The following HDLBP variants were observed in gnomAD, a reference collection of about 807,000 sequenced individuals.
The protein encoded by HDLBP is vigilin.
HDLBP carries 30 observed loss-of-function variants against 137.3 expected under a neutral mutation model. That is an observed-to-expected ratio of 0.22 (90% CI 0.16 to 0.30). The LOEUF is 0.30. Ranked by LOEUF, HDLBP falls within the 10% of genes least tolerant of loss-of-function variation. The pLI is 1.00. For missense variants in HDLBP, 1,119 were observed against 1,667.3 expected (o/e 0.67, Z 5.73); for synonymous variants, 606 against 596.0 (o/e 1.02, Z -0.24).
intron 11 of HDLBP, 133 bp downstream of exon 11, chr2:241,252,824 A>G (rs530468239): frequency 2.4e-5 from 14 of 593,744 alleles, no homozygotes; most frequent in East Asian, 1.3e-4. Flanking sequence ...AGGAGGATGT[A>G]AAGTCTGTAA....
intron 5 of HDLBP, among the ~76,000 whole-genome samples, chr2:241,257,180 T>A (rs1574940192): frequency 6.6e-6 from 1 of 152,232 alleles, no homozygotes; most frequent in East Asian, 1.9e-4. Context: ...AATCAAGAAG[T>A]TAACAACATT....
intron 11 of HDLBP, 110 bp from the exon 12 acceptor site, chr2:241,250,090 C>G: frequency 9.1e-7 from 1 of 1,100,412 alleles, no homozygotes; most frequent in Admixed American, 2.6e-5. Context: ...TCTGTGATTC[C>G]CATCACCAAA....
chr2:241,279,469 G>C (rs1350073187), intron 1 of HDLBP, among the ~76,000 whole-genome samples: 2 of 152,196 alleles, frequency 1.3e-5, no homozygotes, highest in African/African-American at 4.8e-5. Flanking sequence ...ACGTGGAGGA[G>C]GGCTTGCTCT....
At chr2:241,256,871 C>A in intron 5 of HDLBP, 65 bp from the exon 6 acceptor site, 1 of 1,404,522 alleles carries the variant, frequency 7.1e-7, no homozygotes, top group Non-Finnish European at 1.0e-6. Flanking sequence ...CATATTTTTC[C>A]AAGACATTCT....
intron 1 of HDLBP, among the ~76,000 whole-genome samples, chr2:241,311,267 C>G (rs897549441): frequency 3.3e-5 from 5 of 152,188 alleles, no homozygotes; most frequent in African/African-American, 1.2e-4. Context: ...ACACTGGAAA[C>G]TTAGAGACCG....
chr2:241,272,391 G>A lies in HDLBP; in HGVS notation c.-102-3850C>T, dbSNP rs2074146213. Reference sequence around the variant, plus strand: ...CTCAGGTCGGCCGCCCCTCCGCGCCGTGCGGCCACGGCACCAGGGGTGCCC... The same window carrying A: ...CTCAGGTCGGCCGCCCCTCCGCGCCATGCGGCCACGGCACCAGGGGTGCCC... On this transcript the variant is annotated intron_variant, in intron 1 of 27. Coordinates refer to ENST00000310931, the MANE Select transcript of HDLBP (RefSeq NM_005336.6). The surrounding 1 kb of genome is among the most constrained non-coding windows in gnomAD (Gnocchi z 5.6). 1 of 984,322 alleles carries A rather than the reference G, an allele frequency of 1.0e-6. No individual in the cohort carries two copies. The highest frequency in any genetic ancestry group is 1.8e-5 in the African/African-American group (1 of 57,042). 61.0% of individuals were successfully genotyped at this position (984,322 alleles called of 1,614,324 possible). A position where few individuals can be genotyped will look rare whatever the true frequency, so the allele number is the denominator to read the frequency against.
rs1026384502 is a variant in HDLBP at position 241,240,378 on chromosome 2, T to C, written c.2170-256A>G. Among the ~76,000 whole-genome samples the C allele has an allele frequency of 6.6e-6, 1 of 152,204 alleles. No individual in the cohort carries two copies. The highest frequency in any genetic ancestry group is 2.4e-5 in the African/African-American group (1 of 41,456). ...TGAACACACAGGCTTAGAACCCTGGTCCTGCCACTTACAAGCACTGACCAA... is the reference window on the plus strand; with the variant it reads ...TGAACACACAGGCTTAGAACCCTGGCCCTGCCACTTACAAGCACTGACCAA... On this transcript the variant is annotated intron_variant, in intron 17 of 27. Coordinates refer to ENST00000310931, the MANE Select transcript of HDLBP (RefSeq NM_005336.6). The surrounding 1 kb of genome is among the most constrained non-coding windows in gnomAD (Gnocchi z 5.5).
intron 24 of HDLBP, chr2:241,231,384 AAAAAAAAAAAAAC>A (rs2069729276): frequency 1.2e-5 from 1 of 85,314 alleles, no homozygotes; most frequent in South Asian, 3.0e-4. Flanking sequence ...ACTCCATCTC[AAAAAAAAAAAAAC>A]AAAAAAAAAA....
At chr2:241,257,871 C>T (rs1042283990) in intron 5 of HDLBP, among the ~76,000 whole-genome samples, 1 of 152,072 alleles carries the variant, frequency 6.6e-6, no homozygotes, top group African/African-American at 2.4e-5. Context: ...TACGGAAAGA[C>T]CTGCTGGTCT....
Position 241,272,761 on chromosome 2 carries a change from T to G in HDLBP, c.-102-4220A>C. 3.4e-6 allele frequency: 1 copy of G among 293,970 alleles called. No individual in the cohort carries two copies. Among genetic ancestry groups the G allele is most frequent in the Non-Finnish European group, 4.7e-6 (1 of 213,090 alleles). The allele number at this position is 293,970 out of a possible 1,614,324, so 18.2% of individuals were successfully genotyped here. A position where few individuals can be genotyped will look rare whatever the true frequency, so the allele number is the denominator to read the frequency against. On this transcript the variant is annotated intron_variant, in intron 1 of 27. Coordinates refer to ENST00000310931, the MANE Select transcript of HDLBP (RefSeq NM_005336.6). The surrounding 1 kb of genome is among the most constrained non-coding windows in gnomAD (Gnocchi z 5.6). ...TCCCAGCCCCGTGTTGCGCGCTCAC[T>G]CGTGGGCCCCCGCCCGCTGGTCCTG...
At chr2:241,312,859 A>T (rs1279084616) in intron 1 of HDLBP, among the ~76,000 whole-genome samples, 2 of 152,236 alleles carry the variant, frequency 1.3e-5, no homozygotes, top group Admixed American at 1.3e-4. Context: ...GACCCGGCAC[A>T]ATCATCTCAA....
chr2:241,281,999 T>G (rs1462036116), intron 1 of HDLBP, among the ~76,000 whole-genome samples: 1 of 152,210 alleles, frequency 6.6e-6, no homozygotes, highest in Non-Finnish European at 1.5e-5. Context: ...AAAAAATATT[T>G]TATTACAAAT....
At chr2:241,253,341 C>A in intron 10 of HDLBP, 52 bp downstream of exon 10, 1 of 1,294,146 alleles carries the variant, frequency 7.7e-7, no homozygotes, top group Non-Finnish European at 1.1e-6. Context: ...CCATGCCCAA[C>A]TCAGAGCCTC....
intron 5 of HDLBP, among the ~76,000 whole-genome samples, chr2:241,262,300 G>T (rs192191205): frequency 2.0e-5 from 3 of 152,130 alleles, no homozygotes; most frequent in African/African-American, 7.2e-5. Context: ...CTAATTTTCA[G>T]TTTGGCCAGA....
chr2:241,255,786 C>T (rs771107928), intron 7 of HDLBP, among the ~76,000 whole-genome samples: 10 of 152,232 alleles, frequency 6.6e-5, no homozygotes, highest in South Asian at 4.1e-4. Context: ...TCTAGTCACC[C>T]GCCGGCTGAT....
In HDLBP at chr2:241,239,362, C is replaced by T. The variant is rs2070959953; in HGVS notation, c.2610+240G>A. The stretch of plus-strand genomic sequence containing the variant: ...CTCTCTCTCTCTCCCCTCTCCTCTT[C>T]TCCTTCTCTCTCTCTTTTTTTTTTT... On this transcript the variant is annotated intron_variant, in intron 19 of 27. Transcript: ENST00000310931. This position sits in a 1 kb window ranked among gnomAD's most constrained non-coding sequence, Gnocchi z 4.6. Among the ~76,000 whole-genome samples, 1 of 152,080 alleles carries T rather than the reference C, an allele frequency of 6.6e-6. No individual in the cohort carries two copies. The highest frequency in any genetic ancestry group is 2.1e-4 in the South Asian group (1 of 4,824).
rs768421282 is a variant in HDLBP at position 241,240,185 on chromosome 2, CAA to C, written c.2170-65_2170-64del. 31 of 1,517,676 alleles carry C rather than the reference CAA, an allele frequency of 2.0e-5. No individual in the cohort carries two copies. The highest frequency in any genetic ancestry group is 8.2e-6 in the Non-Finnish European group (9 of 1,092,376). The allele number at this position is 1,517,676 out of a possible 1,614,324, so 94.0% of individuals were successfully genotyped here. ...CGTGCCTGGACCACAGTGAGGAAGA[CAA>C]GAGGGTCTGTAGGACAGCAAGCTCG... On this transcript the variant is annotated intron_variant, in intron 17 of 27. Transcript: ENST00000310931. This position sits in a 1 kb window ranked among gnomAD's most constrained non-coding sequence, Gnocchi z 5.5.
At chr2:241,313,274 A>T (rs1475143922) in intron 1 of HDLBP, among the ~76,000 whole-genome samples, 1 of 152,064 alleles carries the variant, frequency 6.6e-6, no homozygotes, top group South Asian at 2.1e-4. Context: ...AAAAGTCTAT[A>T]TCCTCTTTTT....
In HDLBP at chr2:241,248,077, T is replaced by A; in HGVS notation, c.1657A>T (p.Ile553Phe). Residue 553 changes from isoleucine to phenylalanine, a missense_variant, in exon 14 of 28, where the codon ATT (isoleucine) becomes TTT (phenylalanine). Physicochemically the swap from Ile to Phe is conservative, Grantham distance 21. This residue lies in a region of HDLBP where 425 missense variants were observed against 693.9 expected (regional missense o/e 0.61). Transcript: ENST00000310931. The stretch of plus-strand genomic sequence containing the variant: ...TTCTTAGGTCCTCTGAGCTGGACAA[T>A]GTCACTTTTTTGTGCTGGGTCTGGA... ...NFPDPAQKSD[I>F]VQLRGPKNEV... The A allele has an allele frequency of 6.2e-7, 1 of 1,614,198 alleles. No individual in the cohort carries two copies. Among genetic ancestry groups the A allele is most frequent in the Non-Finnish European group, 8.5e-7 (1 of 1,180,008 alleles).
Sources: allele counts gnomAD v4.1 joint callset (sites outside exome capture counted in the v4.1 genomes callset), GRCh38; gene constraint gnomAD v4.1.1; regional missense constraint gnomAD v4.1.1; non-coding constraint Gnocchi (gnomAD v3.1); transcripts MANE v1.5; gene names NCBI Gene and HGNC (gene_info 2026-07-23, HGNC 2026-07-21).